Variants in DDC observed in about 807,000 individuals in gnomAD.
DDC encodes dopa decarboxylase.
A neutral mutation model predicts 60.0 loss-of-function variants in DDC; 43 were observed. The observed-to-expected ratio is 0.72, with a 90% CI of 0.56 to 0.92. DDC has a LOEUF of 0.92. Ranked by LOEUF, DDC falls within the 40% of genes least tolerant of loss-of-function variation. The pLI, the probability that DDC is intolerant of heterozygous loss-of-function variation, is 0.00. For synonymous variants in DDC, 232 were observed against 234.6 expected (o/e 0.99, Z 0.10); for missense variants, 573 against 620.2 (o/e 0.92, Z 0.81).
intron 1 of DDC, among the ~76,000 whole-genome samples, chr7:50,554,487 C>T (rs11765109): frequency 0.081 from 12,378 of 152,274 alleles, 673 homozygotes; most frequent in South Asian, 0.12. Flanking sequence ...CTCCTTCCTT[C>T]CTCCCTTTCT....
At chr7:50,472,652 C>T (rs1293155482) in intron 11 of DDC, among the ~76,000 whole-genome samples, 4 of 152,190 alleles carry the variant, frequency 2.6e-5, no homozygotes. Context: ...CCACTTTACC[C>T]AGGACCGTGC....
intron 13 of DDC, among the ~76,000 whole-genome samples, chr7:50,463,914 T>A (rs1193146683): frequency 6.6e-6 from 1 of 152,012 alleles, no homozygotes; most frequent in South Asian, 2.1e-4. Flanking sequence ...CACTGGTGCC[T>A]CTCCAGACAA....
intron 4 of DDC, among the ~76,000 whole-genome samples, chr7:50,529,639 C>T (rs980832329): frequency 2.6e-5 from 4 of 152,168 alleles, no homozygotes; most frequent in Non-Finnish European, 4.4e-5. Context: ...ATGGACTGCC[C>T]CCAGCCTGGC....
At chr7:50,540,847 G>T (rs547817707) in intron 2 of DDC, among the ~76,000 whole-genome samples, 2 of 152,330 alleles carry the variant, frequency 1.3e-5, no homozygotes, top group East Asian at 3.9e-4. Context: ...TCAGGATCCA[G>T]GAGGCAAGGG....
At chr7:50,549,672 A>G (rs1289792502) in intron 1 of DDC, among the ~76,000 whole-genome samples, 2 of 150,766 alleles carry the variant, frequency 1.3e-5, no homozygotes, top group African/African-American at 4.9e-5. Context: ...AAAAAAAAAA[A>G]GAACATTTGT....
intron 7 of DDC, 143 bp from the exon 8 acceptor site, chr7:50,499,385 C>T (rs951212077): frequency 4.7e-5 from 33 of 697,314 alleles, no homozygotes; most frequent in African/African-American, 3.7e-4. Flanking sequence ...CCCCAAAAGG[C>T]CCCCTCATTC....
At chr7:50,537,498 A>G (rs544510723) in intron 4 of DDC, among the ~76,000 whole-genome samples, 2 of 152,360 alleles carry the variant, frequency 1.3e-5, no homozygotes, top group South Asian at 2.1e-4. Flanking sequence ...AAATGAGTTA[A>G]TGCCTGGAAA....
At chr7:50,511,536 G>A (rs1051098720) in intron 6 of DDC, among the ~76,000 whole-genome samples, 3 of 152,056 alleles carry the variant, frequency 2.0e-5, no homozygotes, top group East Asian at 1.9e-4. Context: ...AGGCCATCCC[G>A]GCTAACACGG....
intron 9 of DDC, among the ~76,000 whole-genome samples, chr7:50,483,154 C>T (rs1585162572): frequency 6.6e-6 from 1 of 152,038 alleles, no homozygotes; most frequent in African/African-American, 2.4e-5. Flanking sequence ...TTGGTAGTTA[C>T]CTTTTATCAG....
intron 4 of DDC, 78 bp from the exon 5 acceptor site, chr7:50,529,420 GT>G (rs2044135021): frequency 6.5e-7 from 1 of 1,543,280 alleles, no homozygotes; most frequent in Admixed American, 1.7e-5. Flanking sequence ...AAGACATATT[GT>G]TTTGTGTCCA....
chr7:50,476,692 G>A (rs758694287), intron 10 of DDC, 49 bp from the exon 11 acceptor site: 1 of 1,525,876 alleles, frequency 6.6e-7, no homozygotes, highest in Non-Finnish European at 9.0e-7. Context: ...AGACAGGTTT[G>A]TTGATCACAC....
At chr7:50,527,907 T>A in intron 6 of DDC, 1 of 435,256 alleles carries the variant, frequency 2.3e-6, no homozygotes. Flanking sequence ...CAAAGATTAA[T>A]TTTTTTTGAG....
chr7:50,558,824 G>A (rs2045264057), intron 1 of DDC, among the ~76,000 whole-genome samples: 1 of 152,196 alleles, frequency 6.6e-6, no homozygotes, highest in East Asian at 1.9e-4. Context: ...CTGGGGATGG[G>A]GAAGGTGGTG....
intron 1 of DDC, among the ~76,000 whole-genome samples, chr7:50,559,295 G>A (rs1286795615): frequency 6.6e-6 from 1 of 151,840 alleles, no homozygotes; most frequent in Non-Finnish European, 1.5e-5. Flanking sequence ...AACACAGTGG[G>A]ATTCTAACCT....
At chr7:50,492,054 G>A (rs2043008136) in intron 9 of DDC, among the ~76,000 whole-genome samples, 2 of 150,156 alleles carry the variant, frequency 1.3e-5, no homozygotes, top group South Asian at 4.3e-4. Flanking sequence ...TTGGACACAG[G>A]TAAACAGAAG....
At chr7:50,485,423 A>G (rs2042861371) in intron 9 of DDC, among the ~76,000 whole-genome samples, 1 of 152,242 alleles carries the variant, frequency 6.6e-6, no homozygotes, top group Non-Finnish European at 1.5e-5. Context: ...CAAAGTGTTT[A>G]TGTTAAATTA....
chr7:50,509,565 C>G (rs1018428164), intron 6 of DDC, among the ~76,000 whole-genome samples: 2 of 152,190 alleles, frequency 1.3e-5, no homozygotes, highest in Non-Finnish European at 2.9e-5. Flanking sequence ...TTTTTCATTT[C>G]CTCATTTGCC....
chr7:50,563,304 A>G (rs1401704762), intron 1 of DDC, among the ~76,000 whole-genome samples: 1 of 152,146 alleles, frequency 6.6e-6, no homozygotes, highest in Non-Finnish European at 1.5e-5. Flanking sequence ...AGATGTTGAC[A>G]TTTGCATAAT....
At chr7:50,558,403 C>A (rs1174878896) in intron 1 of DDC, among the ~76,000 whole-genome samples, 1 of 152,064 alleles carries the variant, frequency 6.6e-6, no homozygotes, top group Non-Finnish European at 1.5e-5. Flanking sequence ...TGAATGCTTC[C>A]CTATTCCTCA....
Sources: allele counts gnomAD v4.1 joint callset (sites outside exome capture counted in the v4.1 genomes callset), GRCh38; gene constraint gnomAD v4.1.1; transcripts MANE v1.5; gene names NCBI Gene and HGNC (gene_info 2026-07-23, HGNC 2026-07-21).